The following BBS7 variants were observed in gnomAD, a reference collection of about 807,000 sequenced individuals.
BBS7 encodes Bardet-Biedl syndrome 7, also known as BBSome complex member BBS7.
Under a neutral mutation model 90.3 loss-of-function variants are expected in BBS7, and 50 were observed. That is an observed-to-expected ratio of 0.55 (90% CI 0.44 to 0.70). The LOEUF (loss-of-function observed/expected upper bound fraction) is 0.70. Among genes scored for constraint, BBS7 ranks in the 30% least tolerant of loss-of-function variants. BBS7 has a pLI of 0.00. For synonymous variants in BBS7, 235 were observed against 287.4 expected (o/e 0.82, Z 1.85); for missense variants, 729 against 838.9 (o/e 0.87, Z 1.62).
At chr4:121,831,140 G>A (rs1018954292) in intron 15 of BBS7, among the ~76,000 whole-genome samples, 3 of 152,178 alleles carry the variant, frequency 2.0e-5, no homozygotes, top group East Asian at 1.9e-4. Context: ...AGGAGGTGGC[G>A]GTTGCAGTGA....
intron 15 of BBS7, among the ~76,000 whole-genome samples, chr4:121,832,168 C>A (rs1296536271): frequency 4.6e-5 from 7 of 151,930 alleles, no homozygotes; most frequent in Non-Finnish European, 7.4e-5. Flanking sequence ...CATGGTGAAA[C>A]CCTGTCTACA....
At chr4:121,834,735 T>A (rs1725362938) in intron 14 of BBS7, among the ~76,000 whole-genome samples, 1 of 152,142 alleles carries the variant, frequency 6.6e-6, no homozygotes, top group East Asian at 1.9e-4. Context: ...AAAGGCACTA[T>A]CACAACCAAT....
intron 13 of BBS7, among the ~76,000 whole-genome samples, chr4:121,835,965 G>A (rs1051186253): frequency 2.6e-5 from 4 of 151,974 alleles, no homozygotes; most frequent in South Asian, 2.1e-4. Context: ...GTCTCTCTAC[G>A]TACATGTACA....
At chr4:121,850,623 T>A (rs1726267568) in intron 8 of BBS7, among the ~76,000 whole-genome samples, 1 of 152,210 alleles carries the variant, frequency 6.6e-6, no homozygotes, top group Non-Finnish European at 1.5e-5. Flanking sequence ...CTCTGATATG[T>A]TCTAATCTAT....
intron 2 of BBS7, among the ~76,000 whole-genome samples, chr4:121,865,910 C>T (rs1044205700): frequency 2.0e-5 from 3 of 152,132 alleles, no homozygotes; most frequent in Non-Finnish European, 4.4e-5. Flanking sequence ...TTGATAACAG[C>T]CATTCTAACT....
At chr4:121,869,759 G>T (rs1345576533) in intron 1 of BBS7, among the ~76,000 whole-genome samples, 1 of 152,148 alleles carries the variant, frequency 6.6e-6, no homozygotes, top group Non-Finnish European at 1.5e-5. Flanking sequence ...GGCTGGTCTC[G>T]AACTGCTGAC....
At chr4:121,826,628 A>G (rs1012081634) in intron 18 of BBS7, among the ~76,000 whole-genome samples, 6 of 152,322 alleles carry the variant, frequency 3.9e-5, no homozygotes, top group African/African-American at 1.2e-4. Flanking sequence ...CAATAGCAAA[A>G]CATAGTACTA....
chr4:121,854,856 C>A (rs564203818), intron 6 of BBS7, 36 bp from the exon 7 acceptor site: 1 of 1,558,364 alleles, frequency 6.4e-7, no homozygotes, highest in Admixed American at 1.7e-5. Flanking sequence ...TATATTTATC[C>A]TACAATTAGT....
chr4:121,853,177 G>A (rs915039439), intron 7 of BBS7, 91 bp from the exon 8 acceptor site: 21 of 1,385,008 alleles, frequency 1.5e-5, no homozygotes, highest in Non-Finnish European at 2.0e-5. Context: ...CACACATACC[G>A]ACTCAGAATG....
At chr4:121,853,992 A>G (rs575490661) in intron 7 of BBS7, among the ~76,000 whole-genome samples, 1 of 152,098 alleles carries the variant, frequency 6.6e-6, no homozygotes, top group South Asian at 2.1e-4. Flanking sequence ...TTCCTGAAAC[A>G]TTTTTTTCCC....
At chr4:121,830,704 G>A (rs1424117759) in intron 15 of BBS7, among the ~76,000 whole-genome samples, 1 of 152,176 alleles carries the variant, frequency 6.6e-6, no homozygotes, top group Non-Finnish European at 1.5e-5. Flanking sequence ...CACAGAGCCA[G>A]GATTGAAACA....
Position 121,835,268 on chromosome 4 carries a change from C to T in BBS7, c.1387G>A (p.Gly463Ser), listed in dbSNP as rs772391575. 4 of 1,613,626 alleles carry T rather than the reference C, an allele frequency of 2.5e-6. No homozygotes were observed. Among genetic ancestry groups the T allele is most frequent in the Non-Finnish European group, 3.4e-6 (4 of 1,179,758 alleles). The part of the protein sequence containing the change: ...RLELKIRSIE[G>S]QYGTLQAYVT... ...TATGCTTGTAGTGTGCCATACTGGC[C>T]TTCAATTGAGCGAATCTGATTCAAC... The change falls in exon 14 of 19, where the codon GGC becomes AGC. Residue 463 changes from glycine (G) to serine (S), a missense_variant. Physicochemically the swap from Gly to Ser is moderately conservative, Grantham distance 56. Transcript: ENST00000264499.
Position 121,833,390 on chromosome 4 carries a change from A to G in BBS7, c.1517T>C (p.Met506Thr), listed in dbSNP as rs200788672. 10 of 1,613,956 alleles carry G rather than the reference A, an allele frequency of 6.2e-6. No individual in the cohort carries two copies. The highest frequency in any genetic ancestry group is 8.5e-6 in the Non-Finnish European group (10 of 1,179,888). ...CTGGCCTGTTAGGGTCAGTGTATTC[A>G]TGGGTCTGTAATATAATAGTAGAGG... ...RTHFIDHDRPMNTLTLTGQFS... is the reference protein window; with the variant it reads ...RTHFIDHDRPTNTLTLTGQFS... The change falls in exon 15 of 19, where the codon ATG becomes ACG. Residue 506 changes from methionine to threonine, a missense_variant. Coordinates refer to ENST00000264499, the MANE Select transcript of BBS7 (RefSeq NM_176824.3).
intron 14 of BBS7, among the ~76,000 whole-genome samples, chr4:121,834,396 C>T (rs989507500): frequency 2.0e-5 from 3 of 152,096 alleles, no homozygotes; most frequent in Admixed American, 6.6e-5. Flanking sequence ...TCCAAAAAAT[C>T]TTCTTTAGGA....
chr4:121,854,872 C>A, intron 6 of BBS7, 52 bp from the exon 7 acceptor site: 1 of 1,496,490 alleles, frequency 6.7e-7, no homozygotes, highest in Non-Finnish European at 9.2e-7. Context: ...TTAGTAATCT[C>A]TTTAAAATTA....
At chr4:121,869,005 G>T (rs2149095330) in intron 1 of BBS7, among the ~76,000 whole-genome samples, 1 of 152,320 alleles carries the variant, frequency 6.6e-6, no homozygotes, top group African/African-American at 2.4e-5. Flanking sequence ...CAAGTGATGT[G>T]AAGGATGGCT....
At chr4:121,855,691 G>T in intron 5 of BBS7, 130 bp from the exon 6 acceptor site, 1 of 849,624 alleles carries the variant, frequency 1.2e-6, no homozygotes, top group East Asian at 2.7e-5. Flanking sequence ...TAAAAATTAG[G>T]TTACGAATAC....
At chr4:121,869,598 G>T (rs931040096) in intron 1 of BBS7, among the ~76,000 whole-genome samples, 1 of 152,174 alleles carries the variant, frequency 6.6e-6, no homozygotes, top group Admixed American at 6.5e-5. Context: ...GAGTGCAGTG[G>T]CATGATGTCA....
rs1724878887 is a variant in BBS7 at position 121,825,847 on chromosome 4, C to A, written c.*13G>T. ...AACAGACCACTTCTTTGGGACTTTA[C>A]CTTATTTGTATGTCATGCTGCATCG... On this transcript the variant is annotated 3_prime_UTR_variant, in exon 19 of 19. Coordinates refer to ENST00000264499, the MANE Select transcript of BBS7 (RefSeq NM_176824.3). The A allele has an allele frequency of 6.2e-7, 1 of 1,612,310 alleles. No homozygotes were observed.
Sources: allele counts gnomAD v4.1 joint callset (sites outside exome capture counted in the v4.1 genomes callset), GRCh38; gene constraint gnomAD v4.1.1; transcripts MANE v1.5; gene names NCBI Gene and HGNC (gene_info 2026-07-23, HGNC 2026-07-21).